Variants in SIL1 observed in about 807,000 individuals in gnomAD.
SIL1 encodes SIL1 nucleotide exchange factor, also known as nucleotide exchange factor SIL1.
In SIL1, 40 loss-of-function variants were observed where a neutral mutation model predicts 49.1. That is an observed-to-expected ratio of 0.81 (90% CI 0.63 to 1.06). SIL1 has a LOEUF of 1.06. SIL1 is among the 50% of genes least tolerant of loss of function. The pLI is 0.00. For missense variants in SIL1, 500 were observed against 572.6 expected, an observed-to-expected ratio of 0.87 and a Z score of 1.29; for synonymous variants, 253 against 250.8, an observed-to-expected ratio of 1.01 and a Z score of -0.08.
At chr5:138,971,592 C>T (rs182657394) in intron 7 of SIL1, among the ~76,000 whole-genome samples, 1 of 152,328 alleles carries the variant, frequency 6.6e-6, no homozygotes, top group East Asian at 1.9e-4. Context: ...ACCTGGAAAC[C>T]TCAGCACCTT....
At chr5:139,185,907 T>G (rs1752070216) in intron 1 of SIL1, among the ~76,000 whole-genome samples, 1 of 152,264 alleles carries the variant, frequency 6.6e-6, no homozygotes, top group South Asian at 2.1e-4. Context: ...GCAGACTTCC[T>G]TCTGGCTATT....
intron 3 of SIL1, among the ~76,000 whole-genome samples, chr5:139,117,469 G>C (rs1283808030): frequency 6.6e-6 from 1 of 152,098 alleles, no homozygotes; most frequent in Non-Finnish European, 1.5e-5. Context: ...TGATGCCCAG[G>C]GTGCAGGAGC....
chr5:139,113,697 C>G (rs188752515), intron 3 of SIL1, among the ~76,000 whole-genome samples: 1 of 152,220 alleles, frequency 6.6e-6, no homozygotes, highest in Non-Finnish European at 1.5e-5. Context: ...CTACTCCTAG[C>G]CCTGGTTAGT....
intron 3 of SIL1, among the ~76,000 whole-genome samples, chr5:139,053,053 T>TC (rs1277811855): frequency 6.6e-6 from 1 of 152,190 alleles, no homozygotes; most frequent in East Asian, 1.9e-4. Context: ...CCTATTACTA[T>TC]GATCACAGGG....
chr5:139,030,836 C>G (rs945882726), intron 5 of SIL1, among the ~76,000 whole-genome samples: 10 of 152,038 alleles, frequency 6.6e-5, no homozygotes, highest in Non-Finnish European at 1.3e-4. Flanking sequence ...TTACAGTGTG[C>G]TAAATAAATA....
chr5:138,984,300 T>C (rs1347486903), intron 7 of SIL1, among the ~76,000 whole-genome samples: 1 of 151,468 alleles, frequency 6.6e-6, no homozygotes, highest in East Asian at 1.9e-4. Context: ...GCAGGACTGA[T>C]ACTATCCCAC....
At chr5:139,003,958 G>A (rs566121198) in intron 7 of SIL1, among the ~76,000 whole-genome samples, 1 of 152,332 alleles carries the variant, frequency 6.6e-6, no homozygotes, top group East Asian at 1.9e-4. Flanking sequence ...TGTCTAACGG[G>A]AGGTGAGTGG....
intron 3 of SIL1, among the ~76,000 whole-genome samples, chr5:139,119,633 C>T (rs1280161435): frequency 1.3e-5 from 2 of 152,098 alleles, no homozygotes; most frequent in Non-Finnish European, 2.9e-5. Flanking sequence ...TGGTGGCTTG[C>T]ACCTATAGTC....
At chr5:139,189,592 C>A (rs1417673258) in intron 1 of SIL1, among the ~76,000 whole-genome samples, 1 of 152,128 alleles carries the variant, frequency 6.6e-6, no homozygotes, top group Non-Finnish European at 1.5e-5. Flanking sequence ...GAGGTCCAGG[C>A]GGGTGGATCA....
intron 1 of SIL1, among the ~76,000 whole-genome samples, chr5:139,174,130 G>GA (rs1203882221): frequency 6.6e-6 from 1 of 151,006 alleles, no homozygotes; most frequent in Non-Finnish European, 1.5e-5. Context: ...AAAAATAATA[G>GA]AAAAAAATCA....
intron 3 of SIL1, among the ~76,000 whole-genome samples, chr5:139,058,964 A>ATGTGTGTGTGTGTGTGTGTG (rs113502024): frequency 2.4e-4 from 21 of 86,826 alleles, no homozygotes; most frequent in African/African-American, 1.1e-3. Context: ...GGAGCTAGAA[A>ATGTGTGTGTGTGTGTGTGTG]TGTGTATGTG....
At chr5:138,976,560 C>T (rs1471176269) in intron 7 of SIL1, among the ~76,000 whole-genome samples, 3 of 152,124 alleles carry the variant, frequency 2.0e-5, no homozygotes, top group East Asian at 3.9e-4. Flanking sequence ...GAGATCCACC[C>T]GCCTCAGCCT....
chr5:139,053,005 A>T (rs1561843765), intron 3 of SIL1, among the ~76,000 whole-genome samples: 1 of 152,178 alleles, frequency 6.6e-6, no homozygotes, highest in Non-Finnish European at 1.5e-5. Flanking sequence ...GAGGAGGCTG[A>T]ATACTGGCAA....
chr5:138,951,453 A>G (rs1411503587), intron 8 of SIL1, 118 bp from the exon 9 acceptor site: 1 of 1,043,634 alleles, frequency 9.6e-7, no homozygotes, highest in Middle Eastern at 3.0e-4. Flanking sequence ...GCCCCACCTC[A>G]GTTACAGCTA....
rs1387856598 is a variant in SIL1, at chr5:138,976,057, T to C, written c.768-24173A>G. 2.0e-5 allele frequency among the ~76,000 whole-genome samples: 3 copies of C among 152,196 alleles called. No homozygotes were observed. In the South Asian group the frequency reaches 6.2e-4, roughly 31 times the overall value. ...GACGTATCCATAGAAGAACCAAACCTGGTGTCAGGGCCAGAGGCCACCAAA... is the reference window on the plus strand; with the variant it reads ...GACGTATCCATAGAAGAACCAAACCCGGTGTCAGGGCCAGAGGCCACCAAA... On this transcript the variant is annotated intron_variant, in intron 7 of 9. Transcript: ENST00000394817.
At chr5:139,136,604 G>C (rs1011744501) in intron 1 of SIL1, among the ~76,000 whole-genome samples, 1 of 152,164 alleles carries the variant, frequency 6.6e-6, no homozygotes, top group Non-Finnish European at 1.5e-5. Context: ...AAATCCAGTT[G>C]TAGGCAACAA....
Position 138,947,107 on chromosome 5 carries a change from G to A in SIL1, c.*10C>T, listed in dbSNP as rs926041851. 2 of 1,606,086 alleles carry A rather than the reference G, an allele frequency of 1.2e-6. No individual in the cohort carries two copies. Among genetic ancestry groups the A allele is most frequent in the Non-Finnish European group, 1.7e-6 (2 of 1,174,276 alleles). On this transcript the variant is annotated 3_prime_UTR_variant, in exon 10 of 10. Transcript: ENST00000394817. The surrounding 1 kb of genome is among the most constrained non-coding windows in gnomAD (Gnocchi z 4.1). ...CTAGCGGCATCCCAGTCCAGTCCTGGTGTGGGGCCTCATCTCAGCTCCTTC... is the reference window on the plus strand; with the variant it reads ...CTAGCGGCATCCCAGTCCAGTCCTGATGTGGGGCCTCATCTCAGCTCCTTC...
In SIL1 at chr5:138,946,726, C is replaced by T. The variant is rs891780598; in HGVS notation, c.*391G>A. 1.9e-5 allele frequency: 5 copies of T among 264,830 alleles called. No individual in the cohort carries two copies. Among genetic ancestry groups the T allele is most frequent in the African/African-American group, 8.8e-5 (4 of 45,308 alleles). The allele number at this position is 264,830 out of a possible 1,614,324, so 16.4% of individuals were successfully genotyped here. A position where few individuals can be genotyped will look rare whatever the true frequency, so the allele number is the denominator to read the frequency against. ...GCCAGCACTAGTGTGAAGCTTTCTA[C>T]GTGATTTTTCTCCTTTAATGGCACT... is the stretch of plus-strand genomic sequence containing the variant. On this transcript the variant is annotated 3_prime_UTR_variant, in exon 10 of 10. Coordinates refer to ENST00000394817, the MANE Select transcript of SIL1 (RefSeq NM_022464.5).
chr5:138,966,578 C>T (rs185507304), intron 7 of SIL1, among the ~76,000 whole-genome samples: 2 of 152,254 alleles, frequency 1.3e-5, no homozygotes, highest in African/African-American at 2.4e-5. Flanking sequence ...CTGGTGGGCA[C>T]TAGTACATCT....
Sources: allele counts gnomAD v4.1 joint callset (sites outside exome capture counted in the v4.1 genomes callset), GRCh38; gene constraint gnomAD v4.1.1; non-coding constraint Gnocchi (gnomAD v3.1); transcripts MANE v1.5; gene names NCBI Gene and HGNC (gene_info 2026-07-23, HGNC 2026-07-21).